Variants in DARS2 observed in about 807,000 individuals in gnomAD.
DARS2 encodes aspartyl-tRNA synthetase 2, mitochondrial.
In DARS2, 63 loss-of-function variants were observed where a neutral mutation model predicts 83.0. That is an observed-to-expected ratio of 0.76 (90% confidence interval 0.62 to 0.94). The LOEUF (loss-of-function observed/expected upper bound fraction) is 0.94. DARS2 is among the 40% of genes least tolerant of loss of function. The pLI is 0.00. For missense variants in DARS2, 675 were observed against 774.4 expected, an observed-to-expected ratio of 0.87 and a Z score of 1.52; for synonymous variants, 250 against 269.3, an observed-to-expected ratio of 0.93 and a Z score of 0.70.
At position 173,834,370 on chromosome 1, in the gene DARS2, T is replaced by C; in HGVS notation, c.617-103T>C. 5.6e-6 allele frequency: 5 copies of C among 893,038 alleles called. 1 individual carries two copies. In the South Asian group the frequency reaches 7.0e-5, roughly 12 times the overall value. 55.3% of individuals were successfully genotyped at this position (893,038 alleles called of 1,614,324 possible). ...GGTAGCTTATTTCAGCTAAAATTCTTAATTAAAGGGAAGCCTCAGATTTGT... is the reference window on the plus strand; with the variant it reads ...GGTAGCTTATTTCAGCTAAAATTCTCAATTAAAGGGAAGCCTCAGATTTGT... On this transcript the variant is annotated intron_variant, in intron 6 of 16. Transcript: ENST00000649689.
At position 173,825,016 on chromosome 1, in the gene DARS2, A is replaced by G; in HGVS notation, c.-214A>G. Reference sequence around the variant, plus strand: ...AGACTCAGGGAGAGGTCTTTCCCTTATCTCCACCCCAGCAAGCACCCCAGA... The same window carrying G: ...AGACTCAGGGAGAGGTCTTTCCCTTGTCTCCACCCCAGCAAGCACCCCAGA... On this transcript the variant is annotated 5_prime_UTR_variant, in exon 1 of 17. Transcript: ENST00000649689. 1.9e-6 allele frequency: 1 copy of G among 526,474 alleles called. No homozygotes were observed. Among genetic ancestry groups the G allele is most frequent in the Non-Finnish European group, 3.4e-6 (1 of 298,096 alleles). 32.6% of individuals were successfully genotyped at this position (526,474 alleles called of 1,614,324 possible).
chr1:173,855,902 C>G (rs1653843924), intron 15 of DARS2, among the ~76,000 whole-genome samples: 1 of 151,364 alleles, frequency 6.6e-6, no homozygotes, highest in South Asian at 2.1e-4. Context: ...CTCAGGTGAT[C>G]TGCCTGCATC....
intron 3 of DARS2, among the ~76,000 whole-genome samples, chr1:173,829,915 T>G (rs1307407658): frequency 1.3e-5 from 2 of 151,474 alleles, no homozygotes; most frequent in Non-Finnish European, 2.9e-5. Flanking sequence ...CTCAAAAAAA[T>G]AATAATAATA....
At chr1:173,825,827 A>G (rs1652510277) in intron 1 of DARS2, among the ~76,000 whole-genome samples, 1 of 151,874 alleles carries the variant, frequency 6.6e-6, no homozygotes, top group Non-Finnish European at 1.5e-5. Context: ...CTCTCATTAT[A>G]TTCATTATAC....
chr1:173,855,953 A>C (rs1027572783), intron 15 of DARS2, among the ~76,000 whole-genome samples: 1 of 151,590 alleles, frequency 6.6e-6, no homozygotes, highest in Admixed American at 6.6e-5. Context: ...GAGCCACCAC[A>C]CCTGGCCTAG....
chr1:173,836,515 C>G (rs1168031918), intron 7 of DARS2, among the ~76,000 whole-genome samples: 1 of 151,566 alleles, frequency 6.6e-6, no homozygotes, highest in East Asian at 1.9e-4. Context: ...CGCACTCCAG[C>G]CTGGGTGACA....
intron 11 of DARS2, among the ~76,000 whole-genome samples, chr1:173,842,284 C>CTT (rs1178547914): frequency 0.024 from 1,534 of 64,128 alleles, 337 homozygotes; most frequent in Non-Finnish European, 0.029. Context: ...TCATTACTTT[C>CTT]TTTTTTTTTT....
chr1:173,848,337 T>G (rs1045097386), intron 12 of DARS2, among the ~76,000 whole-genome samples: 7 of 152,206 alleles, frequency 4.6e-5, no homozygotes, highest in Non-Finnish European at 5.9e-5. Context: ...ATAATTTGGC[T>G]TAGTACAAAA....
At chr1:173,852,957 C>G (rs1385623652) in intron 13 of DARS2, among the ~76,000 whole-genome samples, 1 of 152,198 alleles carries the variant, frequency 6.6e-6, no homozygotes, top group Non-Finnish European at 1.5e-5. Flanking sequence ...CATACTTTGT[C>G]AGGTCCTGCA....
At chr1:173,847,844 CTTTTTTTTTTTTT>C (rs1160841148) in intron 12 of DARS2, among the ~76,000 whole-genome samples, 1 of 78,616 alleles carries the variant, frequency 1.3e-5, no homozygotes, top group Non-Finnish European at 2.2e-5. Context: ...CTTTCTGAAC[CTTTTTTTTTTTTT>C]TTTTTTTTTT....
chr1:173,833,790 C>T (rs777933405), intron 6 of DARS2, among the ~76,000 whole-genome samples: 1 of 149,774 alleles, frequency 6.7e-6, no homozygotes. Context: ...TTTTTTGAGA[C>T]GGAGTTTTGC....
At position 173,857,999 on chromosome 1, in the gene DARS2, A is replaced by G. The variant is rs1013500521; in HGVS notation, c.*294A>G. 17 of 398,802 alleles carry G rather than the reference A, an allele frequency of 4.3e-5. No homozygotes were observed. Among genetic ancestry groups the G allele is most frequent in the African/African-American group, 3.1e-4 (15 of 48,762 alleles). The allele number at this position is 398,802 out of a possible 1,614,324, so 24.7% of individuals were successfully genotyped here. A position where few individuals can be genotyped will look rare whatever the true frequency, so the allele number is the denominator to read the frequency against. On this transcript the variant is annotated 3_prime_UTR_variant, in exon 17 of 17. Transcript: ENST00000649689. ...TAATATAGTGGTTTAGTGTTTTCAA[A>G]TCATGTTTCTCATACCCAGATAGTA...
chr1:173,847,254 G>A (rs913522062), intron 12 of DARS2, among the ~76,000 whole-genome samples: 1 of 151,916 alleles, frequency 6.6e-6, no homozygotes, highest in Non-Finnish European at 1.5e-5. Flanking sequence ...GATGGCGGGG[G>A]GATGAAATAT....
chr1:173,833,719 C>CCAT (rs1652878658), intron 6 of DARS2, among the ~76,000 whole-genome samples: 1 of 151,818 alleles, frequency 6.6e-6, no homozygotes, highest in Non-Finnish European at 1.5e-5. Context: ...ATAGTATTTC[C>CCAT]CATCATCATC....
At chr1:173,847,095 A>G (rs963199779) in intron 12 of DARS2, among the ~76,000 whole-genome samples, 1 of 152,176 alleles carries the variant, frequency 6.6e-6, no homozygotes, top group African/African-American at 2.4e-5. Context: ...ACGAACAATA[A>G]GTAGATTTTT....
chr1:173,839,640 A>G (rs1454767194), intron 10 of DARS2, 94 bp downstream of exon 10: 5 of 1,244,868 alleles, frequency 4.0e-6, no homozygotes, highest in Non-Finnish European at 5.9e-6. Context: ...ACACTGTTAG[A>G]TGATATTTTT....
At chr1:173,833,568 T>C (rs1652873243) in intron 6 of DARS2, 69 bp downstream of exon 6, 1 of 1,596,174 alleles carries the variant, frequency 6.3e-7, no homozygotes, top group Non-Finnish European at 8.6e-7. Context: ...GCAGTTTTAT[T>C]GTATCCTTTC....
rs886045593 is a variant in DARS2 at position 173,858,358 on chromosome 1, T to G, written c.*653T>G. 1.3e-5 allele frequency: 2 copies of G among 153,806 alleles called. No homozygotes were observed. Among genetic ancestry groups the G allele is most frequent in the African/African-American group, 2.4e-5 (1 of 41,430 alleles). The allele number at this position is 153,806 out of a possible 1,614,324, so 9.5% of individuals were successfully genotyped here. A position where few individuals can be genotyped will look rare whatever the true frequency, so the allele number is the denominator to read the frequency against. On this transcript the variant is annotated 3_prime_UTR_variant, in exon 17 of 17. Transcript: ENST00000649689. ...CCCTGGCTACCTCACCGGGCTGTTA[T>G]TGCTGGAATCAGAGGAGATAACATA...
chr1:173,838,192 A>T lies in DARS2; in HGVS notation c.773A>T (p.Tyr258Phe). 1 of 1,612,020 alleles carries T rather than the reference A, an allele frequency of 6.2e-7. No individual in the cohort carries two copies. The highest frequency in any genetic ancestry group is 1.1e-5 in the South Asian group (1 of 91,024). Reference sequence around the variant, plus strand: ...TTAATGCTATTTCTCAATTGTAGATATTTTCAGGTTGCCCGATGTTATCGA... The same window carrying T: ...TTAATGCTATTTCTCAATTGTAGATTTTTTCAGGTTGCCCGATGTTATCGA... ...QLLMVGGLDRYFQVARCYRDE... is the reference protein window; with the variant it reads ...QLLMVGGLDRFFQVARCYRDE... Residue 258 changes from tyrosine to phenylalanine, a missense_variant and splice_region_variant, in exon 9 of 17, where the codon TAT (tyrosine) becomes TTT (phenylalanine). Transcript: ENST00000649689.
Sources: allele counts gnomAD v4.1 joint callset (sites outside exome capture counted in the v4.1 genomes callset), GRCh38; gene constraint gnomAD v4.1.1; transcripts MANE v1.5; gene names NCBI Gene and HGNC (gene_info 2026-07-23, HGNC 2026-07-21).